Variants in LNPEP observed in about 807,000 individuals in gnomAD.
LNPEP encodes leucyl-cystinyl aminopeptidase.
LNPEP carries 64 observed loss-of-function variants against 120.6 expected under a neutral mutation model. The observed-to-expected ratio is 0.53, with a 90% confidence interval of 0.43 to 0.65. The LOEUF is 0.65. Among genes scored for constraint, LNPEP ranks in the 30% least tolerant of loss-of-function variants. The probability of loss-of-function intolerance (pLI) is 0.00; values close to 1 mark genes in which losing one functional copy is unlikely to be tolerated. For synonymous variants in LNPEP, 435 were observed against 425.4 expected (o/e 1.02, Z -0.28); for missense variants, 1,057 against 1,200.0 (o/e 0.88, Z 1.76).
At chr5:96,947,077 ACTTTTTATCTTTAGAT>A (rs1026202598) in intron 1 of LNPEP, among the ~76,000 whole-genome samples, 28 of 152,208 alleles carry the variant, frequency 1.8e-4, no homozygotes, top group African/African-American at 5.1e-4. Context: ...TTAAAAGTAA[ACTTTTTATCTTTAGAT>A]CTTGTGAAAG....
intron 1 of LNPEP, among the ~76,000 whole-genome samples, chr5:96,970,938 TGTATTATTTCTG>T (rs1402548152): frequency 6.6e-6 from 1 of 152,062 alleles, no homozygotes; most frequent in African/African-American, 2.4e-5. Context: ...TATTTTAACA[TGTATTATTTCTG>T]GTATTCTCTC....
rs747222392 is a variant in LNPEP at position 97,036,916 on chromosome 5, A to T, written c.*8383A>T. On this transcript the variant is annotated 3_prime_UTR_variant, in exon 18 of 18. Coordinates refer to ENST00000231368, the MANE Select transcript of LNPEP (RefSeq NM_005575.3). The stretch of plus-strand genomic sequence containing the variant: ...GAGTTAGTCATGGTAGTCATTAGTG[A>T]TATTTCTGAACAGTTCTTAATTTAA... 1 of 152,176 alleles carries T rather than the reference A, an allele frequency of 6.6e-6. No individual in the cohort carries two copies. The highest frequency in any genetic ancestry group is 2.4e-5 in the African/African-American group (1 of 41,468). The allele number at this position is 152,176 out of a possible 1,614,324, so 9.4% of individuals were successfully genotyped here. A position where few individuals can be genotyped will look rare whatever the true frequency, so the allele number is the denominator to read the frequency against.
At chr5:96,968,068 T>G in intron 1 of LNPEP, among the ~76,000 whole-genome samples, 1 of 152,142 alleles carries the variant, frequency 6.6e-6, no homozygotes. Context: ...GAAAAGTAAA[T>G]GTAGAGCAGG....
chr5:96,987,291 A>G (rs1790264546), intron 4 of LNPEP, among the ~76,000 whole-genome samples: 1 of 152,160 alleles, frequency 6.6e-6, no homozygotes, highest in Non-Finnish European at 1.5e-5. Context: ...CTTTGATTTC[A>G]TAGTAGAAAC....
rs538928059 is a variant in LNPEP at position 97,037,072 on chromosome 5, G to T, written c.*8539G>T. ...ATAAAATGAGAATTATGGCATAATT[G>T]GAGCATTTGCATTAATCAACAAACT... is the stretch of plus-strand genomic sequence containing the variant. On this transcript the variant is annotated 3_prime_UTR_variant, in exon 18 of 18. Transcript: ENST00000231368. 5.9e-5 allele frequency: 9 copies of T among 152,224 alleles called. No homozygotes were observed. The highest frequency in any genetic ancestry group is 1.2e-4 in the Non-Finnish European group (8 of 68,002). The allele number at this position is 152,224 out of a possible 1,614,324, so 9.4% of individuals were successfully genotyped here. A position where few individuals can be genotyped will look rare whatever the true frequency, so the allele number is the denominator to read the frequency against.
Position 96,936,105 on chromosome 5 carries a change from G to T in LNPEP, c.-51G>T, listed in dbSNP as rs538957339. On this transcript the variant is annotated 5_prime_UTR_variant, in exon 1 of 18. Transcript: ENST00000231368. Reference sequence around the variant, plus strand: ...AGTCAGCTGGGCCGCCTCAGCTCTCGGAGTAGGAAGCTCGGGCGCTCCGGC... The same window carrying T: ...AGTCAGCTGGGCCGCCTCAGCTCTCTGAGTAGGAAGCTCGGGCGCTCCGGC... 1,172 of 1,514,686 alleles carry T rather than the reference G, an allele frequency of 7.7e-4. 3 individuals are homozygous for T. Among genetic ancestry groups the T allele is most frequent in the East Asian group, 1.1e-3 (38 of 36,158 alleles). 93.8% of individuals were successfully genotyped at this position (1,514,686 alleles called of 1,614,324 possible).
At chr5:96,994,230 G>A (rs1034949093) in intron 6 of LNPEP, among the ~76,000 whole-genome samples, 3 of 152,140 alleles carry the variant, frequency 2.0e-5, no homozygotes, top group East Asian at 1.9e-4. Context: ...TTTTACATAT[G>A]TGAAAACTGA....
chr5:96,972,584 G>C (rs1318045757), intron 1 of LNPEP, among the ~76,000 whole-genome samples: 1 of 152,028 alleles, frequency 6.6e-6, no homozygotes, highest in Non-Finnish European at 1.5e-5. Context: ...GCTCTGCTTA[G>C]ACCCTAGCTT....
Position 96,993,045 on chromosome 5 carries a change from G to A in LNPEP, c.1162G>A (p.Gly388Ser). Residue 388 changes from glycine to serine, a missense_variant, in exon 5 of 18, where the codon GGT becomes AGT. Transcript: ENST00000231368. ...TATATATGCTGTACCAGAAAAGATTGGTCAAGTTCATTATGCCTTGGAAAC... is the reference window on the plus strand; with the variant it reads ...TATATATGCTGTACCAGAAAAGATTAGTCAAGTTCATTATGCCTTGGAAAC... Reference protein sequence around the residue: ...VSIYAVPEKIGQVHYALETTV... With the variant: ...VSIYAVPEKISQVHYALETTV... 1.3e-6 allele frequency: 2 copies of A among 1,595,906 alleles called. No individual in the cohort carries two copies. Among genetic ancestry groups the A allele is most frequent in the Non-Finnish European group, 1.7e-6 (2 of 1,168,216 alleles).
At chr5:97,018,225 A>G (rs73139248) in intron 13 of LNPEP, among the ~76,000 whole-genome samples, 3,752 of 152,112 alleles carry the variant, frequency 0.025, 159 homozygotes, top group African/African-American at 0.086. Flanking sequence ...TTCTGAATAT[A>G]CCCTGTGAGG....
intron 1 of LNPEP, among the ~76,000 whole-genome samples, chr5:96,945,151 C>A (rs1437073995): frequency 6.6e-6 from 1 of 152,016 alleles, no homozygotes; most frequent in Non-Finnish European, 1.5e-5. Flanking sequence ...AATCCTAGCA[C>A]TTTGGGAGGC....
intron 1 of LNPEP, among the ~76,000 whole-genome samples, chr5:96,956,396 T>C (rs1581982970): frequency 6.6e-6 from 1 of 152,208 alleles, no homozygotes; most frequent in South Asian, 2.1e-4. Flanking sequence ...CGCACGCCTG[T>C]AGTCGCACCA....
chr5:97,003,841 T>C (rs74319443), intron 9 of LNPEP, among the ~76,000 whole-genome samples: 5,693 of 152,078 alleles, frequency 0.037, 184 homozygotes, highest in Middle Eastern at 0.11. Context: ...AGTTGTCTTC[T>C]CCGTATTAAT....
intron 1 of LNPEP, among the ~76,000 whole-genome samples, chr5:96,969,119 C>T (rs1345241770): frequency 1.3e-5 from 2 of 151,966 alleles, no homozygotes; most frequent in East Asian, 3.9e-4. Flanking sequence ...AAAATGAGGG[C>T]TTTTTTTCCT....
chr5:96,975,539 T>C (rs1789971470), intron 1 of LNPEP, among the ~76,000 whole-genome samples: 1 of 152,154 alleles, frequency 6.6e-6, no homozygotes, highest in Admixed American at 6.6e-5. Flanking sequence ...TTGACTGTTA[T>C]TGCCATTATA....
chr5:96,954,655 TAC>T lies in LNPEP; in HGVS notation c.19+18485_19+18486del, dbSNP rs746488987. 2.2e-4 allele frequency among the ~76,000 whole-genome samples: 25 copies of T among 112,614 alleles called. 1 individual carries two copies. Among genetic ancestry groups the T allele is most frequent in the Admixed American group, 2.7e-4 (3 of 11,034 alleles). 73.9% of individuals were successfully genotyped at this position (112,614 alleles called of 152,430 possible). A position where few individuals can be genotyped will look rare whatever the true frequency, so the allele number is the denominator to read the frequency against. ...ATACATATATACATATATACATATATACACATATATACATATATACACATATA... is the reference window on the plus strand; with the variant it reads ...ATACATATATACATATATACATATATACATATATACATATATACACATATA... On this transcript the variant is annotated intron_variant, in intron 1 of 17. Coordinates refer to ENST00000231368, the MANE Select transcript of LNPEP (RefSeq NM_005575.3).
At chr5:97,027,360 A>G (rs935188120) in intron 16 of LNPEP, among the ~76,000 whole-genome samples, 6 of 152,072 alleles carry the variant, frequency 3.9e-5, no homozygotes, top group Non-Finnish European at 8.8e-5. Context: ...CTCAAAAAAA[A>G]AAAACAAAAA....
intron 1 of LNPEP, chr5:96,937,295 C>T (rs1416222298): frequency 6.6e-6 from 1 of 152,244 alleles, no homozygotes; most frequent in African/African-American, 2.4e-5. Flanking sequence ...GTGCTTCATT[C>T]ATGGGGCTGT....
chr5:96,966,206 A>G (rs1257219212), intron 1 of LNPEP, among the ~76,000 whole-genome samples: 1 of 152,106 alleles, frequency 6.6e-6, no homozygotes, highest in African/African-American at 2.4e-5. Flanking sequence ...AGAATTTGAA[A>G]GTGATGGAGG....
Sources: gnomAD v4.1 joint callset for allele counts (sites outside exome capture counted in the v4.1 genomes callset) on GRCh38, gnomAD v4.1.1 for gene constraint, MANE v1.5 for transcripts, NCBI Gene and HGNC (gene_info 2026-07-23, HGNC 2026-07-21) for gene names.